Variants in TAFA4 observed in about 807,000 individuals in gnomAD.
TAFA4 encodes the protein chemokine-like protein TAFA-4.
Under a neutral mutation model 21.1 loss-of-function variants are expected in TAFA4, and 20 were observed. The ratio of observed to expected loss-of-function variants is 0.95; its 90% CI spans 0.67 to 1.38. TAFA4 has a LOEUF of 1.38. Ranked by LOEUF, TAFA4 falls within the 40% of genes most tolerant of loss-of-function variation. TAFA4 has a pLI of 0.00. For missense variants in TAFA4, 211 were observed against 180.9 expected, an observed-to-expected ratio of 1.17 and a Z score of -0.95; for synonymous variants, 71 against 67.4, an observed-to-expected ratio of 1.05 and a Z score of -0.26.
At chr3:68,843,051 CT>C (rs1365751568) in intron 3 of TAFA4, among the ~76,000 whole-genome samples, 2 of 152,078 alleles carry the variant, frequency 1.3e-5, no homozygotes, top group Non-Finnish European at 2.9e-5. Flanking sequence ...ATTTCAAGTA[CT>C]TTTTTCTAAT....
At chr3:68,753,503 T>C (rs1702600559) in intron 3 of TAFA4, among the ~76,000 whole-genome samples, 2 of 151,724 alleles carry the variant, frequency 1.3e-5, no homozygotes, top group Non-Finnish European at 2.9e-5. Context: ...GCCCAGGTAA[T>C]TTTTATATTT....
chr3:68,879,427 T>C (rs1022295298), intron 3 of TAFA4, among the ~76,000 whole-genome samples: 19 of 151,944 alleles, frequency 1.3e-4, no homozygotes, highest in African/African-American at 4.6e-4. Flanking sequence ...TGAATGGGAG[T>C]GGGTGGTAAT....
At chr3:68,889,969 C>A (rs539606636) in intron 1 of TAFA4, among the ~76,000 whole-genome samples, 2 of 152,298 alleles carry the variant, frequency 1.3e-5, no homozygotes, top group East Asian at 3.9e-4. Flanking sequence ...AGAAAATCAA[C>A]AGTATCTGAA....
intron 4 of TAFA4, among the ~76,000 whole-genome samples, chr3:68,744,132 G>A (rs185680163): frequency 7.9e-5 from 12 of 152,198 alleles, no homozygotes; most frequent in Non-Finnish European, 1.8e-4. Flanking sequence ...CTTCCACTCA[G>A]GAGTGAGAAC....
intron 3 of TAFA4, among the ~76,000 whole-genome samples, chr3:68,863,546 A>T (rs1376418067): frequency 6.6e-6 from 1 of 152,156 alleles, no homozygotes; most frequent in Non-Finnish European, 1.5e-5. Context: ...TAGGCTGTGA[A>T]CTTAAAATTT....
chr3:68,878,645 C>T (rs1420783393), intron 3 of TAFA4, among the ~76,000 whole-genome samples: 3 of 152,144 alleles, frequency 2.0e-5, no homozygotes, highest in African/African-American at 4.8e-5. Context: ...TGCCAATTGG[C>T]CCCTTCACCT....
At chr3:68,877,081 G>A (rs780333805) in intron 3 of TAFA4, among the ~76,000 whole-genome samples, 80 of 152,150 alleles carry the variant, frequency 5.3e-4, no homozygotes, top group Admixed American at 7.2e-4. Context: ...GTCTCGGGCC[G>A]GGCGCAGTGT....
At position 68,752,898 on chromosome 3, in the gene TAFA4, G is replaced by A. The variant is rs755227804; in HGVS notation, c.251C>T (p.Ala84Val). 1.7e-5 allele frequency: 27 copies of A among 1,613,900 alleles called. No individual in the cohort carries two copies. Among genetic ancestry groups the A allele is most frequent in the African/African-American group, 6.7e-5 (5 of 74,866 alleles). ...VKCSCFPGQV[A>V]GTTRAQPSCV... is the part of the protein sequence containing the mutation. The stretch of plus-strand genomic sequence containing the variant: ...AGAAGGTTGAGCCCGAGTTGTGCCC[G>A]CCACCTGTCCCGGGAAGCAAGAGCA... The change falls in exon 4 of 6, where the codon GCG (alanine) becomes GTG (valine). Residue 84 changes from alanine (A) to valine (V), a missense_variant. Physicochemically the swap from Ala to Val is moderately conservative, Grantham distance 64. Transcript: ENST00000295569.
At chr3:68,892,147 T>C (rs1222529235) in intron 1 of TAFA4, among the ~76,000 whole-genome samples, 1 of 152,248 alleles carries the variant, frequency 6.6e-6, no homozygotes, top group Non-Finnish European at 1.5e-5. Context: ...ATTACTTTTG[T>C]AATTTAGAGA....
chr3:68,733,194 C>A, intron 5 of TAFA4, 41 bp from the exon 6 acceptor site: 1 of 1,605,860 alleles, frequency 6.2e-7, no homozygotes, highest in Non-Finnish European at 8.5e-7. Context: ...ACACTCTATA[C>A]CCACCGAAAT....
intron 3 of TAFA4, among the ~76,000 whole-genome samples, chr3:68,806,408 GC>G (rs1488230690): frequency 2.0e-5 from 3 of 152,036 alleles, no homozygotes. Context: ...GTAAGCCCAA[GC>G]CATTTAGTTT....
chr3:68,774,514 A>G (rs1037299675), intron 3 of TAFA4, among the ~76,000 whole-genome samples: 6 of 152,208 alleles, frequency 3.9e-5, no homozygotes, highest in Admixed American at 2.6e-4. Flanking sequence ...AATATCAGTA[A>G]ATGTTGAGCA....
intron 3 of TAFA4, among the ~76,000 whole-genome samples, chr3:68,834,031 G>C (rs1035289802): frequency 6.6e-6 from 1 of 152,160 alleles, no homozygotes; most frequent in African/African-American, 2.4e-5. Context: ...AGCCAGAGTT[G>C]ATGCTCACCC....
intron 1 of TAFA4, among the ~76,000 whole-genome samples, chr3:68,914,392 T>G (rs1486496686): frequency 6.6e-6 from 1 of 152,256 alleles, no homozygotes; most frequent in Non-Finnish European, 1.5e-5. Flanking sequence ...AGTTGTGGTT[T>G]CATGACTATG....
intron 3 of TAFA4, among the ~76,000 whole-genome samples, chr3:68,775,986 A>G (rs1703042770): frequency 6.6e-6 from 1 of 152,198 alleles, no homozygotes; most frequent in African/African-American, 2.4e-5. Flanking sequence ...GGGAAAAAGC[A>G]AAAAACTGTC....
intron 1 of TAFA4, among the ~76,000 whole-genome samples, chr3:68,895,390 C>G (rs897700044): frequency 3.3e-5 from 5 of 152,238 alleles, no homozygotes; most frequent in African/African-American, 1.2e-4. Flanking sequence ...CCACCTTGGC[C>G]TCCCAAAGTG....
chr3:68,913,986 A>T (rs182635778), intron 1 of TAFA4, among the ~76,000 whole-genome samples: 2 of 152,214 alleles, frequency 1.3e-5, no homozygotes, highest in Non-Finnish European at 2.9e-5. Context: ...TTAATTATCA[A>T]TTCTGGCAAG....
chr3:68,897,245 G>A (rs73093119), intron 1 of TAFA4, among the ~76,000 whole-genome samples: 30,698 of 152,092 alleles, frequency 0.2, 3,729 homozygotes, highest in East Asian at 0.49. Flanking sequence ...CTAGGAAGCT[G>A]ACAGCCAAAT....
At chr3:68,741,716 C>T (rs964637788) in intron 4 of TAFA4, among the ~76,000 whole-genome samples, 10 of 151,854 alleles carry the variant, frequency 6.6e-5, no homozygotes, top group South Asian at 2.1e-4. Flanking sequence ...GGTGTGAACC[C>T]GGGAGGTGGA....
Sources: gnomAD v4.1 joint callset for allele counts (sites outside exome capture counted in the v4.1 genomes callset) on GRCh38, gnomAD v4.1.1 for gene constraint, MANE v1.5 for transcripts, NCBI Gene and HGNC (gene_info 2026-07-23, HGNC 2026-07-21) for gene names.